Variants in CHODL observed in about 807,000 individuals in gnomAD.
CHODL encodes the protein chondrolectin, also known as transmembrane protein MT75.
A neutral mutation model predicts 34.5 loss-of-function variants in CHODL; 29 were observed. That is an observed-to-expected ratio of 0.84 (90% CI 0.63 to 1.15). CHODL has a LOEUF of 1.15. Among genes scored for constraint, CHODL ranks in the 50% most tolerant of loss-of-function variants. The pLI, the probability that CHODL is intolerant of heterozygous loss-of-function variation, is 0.00. For missense variants in CHODL, 332 were observed against 332.5 expected, an observed-to-expected ratio of 1.00 and a Z score of 0.01; for synonymous variants, 125 against 116.1, an observed-to-expected ratio of 1.08 and a Z score of -0.49.
chr21:18,067,832 A>G (rs1302396198), intron 2 of CHODL, among the ~76,000 whole-genome samples: 1 of 152,084 alleles, frequency 6.6e-6, no homozygotes, highest in East Asian at 1.9e-4. Flanking sequence ...TACTTGTGAT[A>G]TTATCACGCA....
At chr21:18,165,532 C>T (rs539507430) in intron 2 of CHODL, among the ~76,000 whole-genome samples, 1 of 152,328 alleles carries the variant, frequency 6.6e-6, no homozygotes, top group Admixed American at 6.5e-5. Flanking sequence ...GACAGATCAT[C>T]TCTGCTCTGC....
chr21:18,194,626 C>A (rs73893024), intron 2 of CHODL, among the ~76,000 whole-genome samples: 3 of 150,540 alleles, frequency 2.0e-5, no homozygotes, highest in Admixed American at 1.3e-4. Flanking sequence ...AAAACTAATG[C>A]GTATTTGACA....
At chr21:18,031,729 A>G (rs1052549969) in intron 2 of CHODL, among the ~76,000 whole-genome samples, 1 of 152,102 alleles carries the variant, frequency 6.6e-6, no homozygotes, top group African/African-American at 2.4e-5. Flanking sequence ...GGGATAAAAT[A>G]GCTGTTGAGT....
At position 17,920,160 on chromosome 21, in the gene CHODL, C is replaced by T. The variant is rs375796928; in HGVS notation, c.-145+2760C>T. ...CCAACCTCTGTCTGTTACCCAGTTC[C>T]AAAGTTGCTTCCACATTTTCGGGTA... is the stretch of plus-strand genomic sequence containing the variant. On this transcript the variant is annotated intron_variant, in intron 1 of 6. Coordinates refer to the CHODL transcript ENST00000400127. Among the ~76,000 whole-genome samples the T allele has an allele frequency of 3.9e-5, 6 of 152,340 alleles. No homozygotes were observed. The East Asian group carries it at 7.7e-4, about 20-fold the overall frequency.
intron 2 of CHODL, among the ~76,000 whole-genome samples, chr21:18,031,569 G>A (rs962386279): frequency 2.0e-5 from 3 of 151,992 alleles, no homozygotes; most frequent in Admixed American, 2.0e-4. Flanking sequence ...CATTACATTT[G>A]CCATTGGAAA....
chr21:18,216,190 A>G (rs981813585), intron 2 of CHODL, among the ~76,000 whole-genome samples: 1 of 151,802 alleles, frequency 6.6e-6, no homozygotes, highest in African/African-American at 2.4e-5. Context: ...GGTACGTGTA[A>G]TATTTTGATA....
chr21:17,943,249 A>C (rs1033408384), intron 1 of CHODL, among the ~76,000 whole-genome samples: 1 of 152,190 alleles, frequency 6.6e-6, no homozygotes, highest in African/African-American at 2.4e-5. Flanking sequence ...AAGGGCATAA[A>C]AGAATAATTT....
At chr21:17,927,701 A>G (rs1442832921) in intron 1 of CHODL, among the ~76,000 whole-genome samples, 2 of 152,192 alleles carry the variant, frequency 1.3e-5, no homozygotes, top group Non-Finnish European at 2.9e-5. Flanking sequence ...GGGAGGTACG[A>G]GTGGGCCATT....
intron 2 of CHODL, among the ~76,000 whole-genome samples, chr21:18,182,123 T>A (rs1197330964): frequency 6.6e-6 from 1 of 152,198 alleles, no homozygotes; most frequent in Non-Finnish European, 1.5e-5. Context: ...ATGCTGTTTA[T>A]TTAACCTTTT....
chr21:18,261,914 T>C (rs1158092232), intron 4 of CHODL, among the ~76,000 whole-genome samples: 3 of 152,096 alleles, frequency 2.0e-5, no homozygotes, highest in African/African-American at 7.2e-5. Context: ...GTATCATCAG[T>C]TAATATTTAT....
In CHODL at chr21:18,266,810, T is replaced by C. The variant is rs2074468315; in HGVS notation, c.*772T>C. 1 of 152,812 alleles carries C rather than the reference T, an allele frequency of 6.5e-6. No homozygotes were observed. Among genetic ancestry groups the C allele is most frequent in the South Asian group, 2.1e-4 (1 of 4,840 alleles). 9.5% of individuals were successfully genotyped at this position (152,812 alleles called of 1,614,324 possible). A position where few individuals can be genotyped will look rare whatever the true frequency, so the allele number is the denominator to read the frequency against. ...AGATTTTGTAATAATGTAACTTTGT[T>C]AATAGGTGCATAAACACTAATGCAG... On this transcript the variant is annotated 3_prime_UTR_variant, in exon 6 of 6. Transcript: ENST00000299295.
chr21:18,221,670 G>A (rs2073884907), intron 2 of CHODL, among the ~76,000 whole-genome samples: 1 of 152,180 alleles, frequency 6.6e-6, no homozygotes, highest in African/African-American at 2.4e-5. Flanking sequence ...GAATTCTTTA[G>A]TGTCTCAGGC....
chr21:18,037,128 A>G (rs538571836), intron 2 of CHODL, among the ~76,000 whole-genome samples: 1 of 152,054 alleles, frequency 6.6e-6, no homozygotes, highest in South Asian at 2.1e-4. Context: ...ATGAGTAAGA[A>G]TTATATTTTA....
chr21:18,129,808 T>C (rs1464592887), intron 2 of CHODL, among the ~76,000 whole-genome samples: 2 of 152,114 alleles, frequency 1.3e-5, no homozygotes, highest in African/African-American at 4.8e-5. Flanking sequence ...GGCTGATAAA[T>C]TGCTTGGCAG....
chr21:18,173,794 G>T (rs1046937652), intron 2 of CHODL, among the ~76,000 whole-genome samples: 5 of 151,682 alleles, frequency 3.3e-5, no homozygotes, highest in African/African-American at 1.2e-4. Flanking sequence ...TTTTCTCAGA[G>T]TGTTTTATAT....
chr21:18,124,427 T>TA (rs2065517914), intron 2 of CHODL, among the ~76,000 whole-genome samples: 1 of 152,202 alleles, frequency 6.6e-6, no homozygotes, highest in Non-Finnish European at 1.5e-5. Flanking sequence ...TGCTTAGAAA[T>TA]ATGTCTTCTT....
intron 2 of CHODL, among the ~76,000 whole-genome samples, chr21:18,057,355 G>A (rs1333851985): frequency 6.6e-6 from 1 of 151,462 alleles, no homozygotes; most frequent in Non-Finnish European, 1.5e-5. Flanking sequence ...ATTTTTTAGA[G>A]CAGTTTTAGG....
intron 2 of CHODL, among the ~76,000 whole-genome samples, chr21:18,139,566 T>C (rs1026665286): frequency 6.6e-6 from 1 of 152,100 alleles, no homozygotes; most frequent in Non-Finnish European, 1.5e-5. Flanking sequence ...TAGCTGACCA[T>C]GACCTCCTAG....
intron 1 of CHODL, among the ~76,000 whole-genome samples, chr21:18,025,687 A>G (rs963585658): frequency 3.3e-5 from 5 of 152,078 alleles, no homozygotes; most frequent in Admixed American, 6.6e-5. Flanking sequence ...GTCTTTAACA[A>G]CAGAAATTTA....
Sources: allele counts gnomAD v4.1 joint callset (sites outside exome capture counted in the v4.1 genomes callset), GRCh38; gene constraint gnomAD v4.1.1; transcripts MANE v1.5; gene names NCBI Gene and HGNC (gene_info 2026-07-23, HGNC 2026-07-21).